LDB2: variants seen among roughly 807,000 people sequenced by gnomAD.
The protein encoded by LDB2 is LIM domain binding 2, also known as LIM domain-binding protein 2.
In LDB2, 12 loss-of-function variants were observed where a neutral mutation model predicts 44.3. The ratio of observed to expected loss-of-function variants is 0.27; its 90% CI spans 0.17 to 0.44. LDB2 has a LOEUF of 0.44. Ranked by LOEUF, LDB2 falls within the 20% of genes least tolerant of loss-of-function variation. The probability of loss-of-function intolerance (pLI) is 1.00; values close to 1 mark genes in which losing one functional copy is unlikely to be tolerated. For synonymous variants in LDB2, 164 were observed against 174.8 expected (o/e 0.94, Z 0.49); for missense variants, 344 against 473.5 (o/e 0.73, Z 2.54).
chr4:16,617,415 G>A (rs1359490486), intron 2 of LDB2, among the ~76,000 whole-genome samples: 4 of 152,102 alleles, frequency 2.6e-5, no homozygotes, highest in Non-Finnish European at 2.9e-5. Flanking sequence ...AAATCAAGTC[G>A]ACATCTCCTC....
At chr4:16,784,713 C>A (rs1003600968) in intron 1 of LDB2, among the ~76,000 whole-genome samples, 1 of 152,176 alleles carries the variant, frequency 6.6e-6, no homozygotes, top group Non-Finnish European at 1.5e-5. Flanking sequence ...TCCATTCAGG[C>A]CTTTCTGGGG....
At chr4:16,547,352 C>A (rs12512971) in intron 5 of LDB2, among the ~76,000 whole-genome samples, 17,358 of 152,116 alleles carry the variant, frequency 0.11, 1,584 homozygotes, top group East Asian at 0.47. Flanking sequence ...CAGAACTTTG[C>A]AAGGATACGT....
intron 2 of LDB2, among the ~76,000 whole-genome samples, chr4:16,698,564 AT>A: frequency 6.6e-6 from 1 of 152,176 alleles, no homozygotes; most frequent in African/African-American, 2.4e-5. Flanking sequence ...TTCTTTCTGA[AT>A]TTTTTTAATA....
chr4:16,755,250 G>C (rs1766292462), intron 2 of LDB2, among the ~76,000 whole-genome samples: 2 of 152,140 alleles, frequency 1.3e-5, no homozygotes, highest in Non-Finnish European at 2.9e-5. Flanking sequence ...CAAGTGATCA[G>C]CCTAACCCAA....
At chr4:16,671,118 A>AC (rs1744644757) in intron 2 of LDB2, among the ~76,000 whole-genome samples, 1 of 125,476 alleles carries the variant, frequency 8.0e-6, no homozygotes, top group African/African-American at 2.6e-5. Flanking sequence ...CAAAAAAAAA[A>AC]AACAAAAAAA....
At chr4:16,688,670 T>C (rs1749846872) in intron 2 of LDB2, among the ~76,000 whole-genome samples, 1 of 152,194 alleles carries the variant, frequency 6.6e-6, no homozygotes, top group Non-Finnish European at 1.5e-5. Context: ...TTCAGCTGTG[T>C]TCAAAACAGA....
At chr4:16,833,616 C>G (rs889767589) in intron 1 of LDB2, among the ~76,000 whole-genome samples, 7 of 150,336 alleles carry the variant, frequency 4.7e-5, no homozygotes, top group African/African-American at 1.7e-4. Flanking sequence ...GATCTCTGCT[C>G]ACTGCAACCT....
chr4:16,730,168 C>T (rs905479364), intron 2 of LDB2, among the ~76,000 whole-genome samples: 8 of 152,134 alleles, frequency 5.3e-5, no homozygotes, highest in Non-Finnish European at 1.0e-4. Flanking sequence ...TTTGTCTTAG[C>T]TTTTCTCGTG....
intron 2 of LDB2, among the ~76,000 whole-genome samples, chr4:16,734,710 T>TC (rs1291442612): frequency 1.8e-5 from 1 of 56,772 alleles, no homozygotes; most frequent in African/African-American, 4.9e-5. Flanking sequence ...TTTCTTTTTT[T>TC]TTTTTTTTTT....
intron 5 of LDB2, among the ~76,000 whole-genome samples, chr4:16,546,660 G>GA (rs553521349): frequency 2.0e-5 from 3 of 152,118 alleles, no homozygotes; most frequent in Non-Finnish European, 4.4e-5. Context: ...CTGCCAAGGT[G>GA]AAAAAATGGT....
At chr4:16,557,815 C>T (rs1740325199) in intron 5 of LDB2, among the ~76,000 whole-genome samples, 1 of 152,122 alleles carries the variant, frequency 6.6e-6, no homozygotes, top group Admixed American at 6.6e-5. Context: ...GGAGGCACCC[C>T]CCAGTAGGGG....
chr4:16,833,986 TCATTC>T (rs1012074100), intron 1 of LDB2, among the ~76,000 whole-genome samples: 1 of 152,224 alleles, frequency 6.6e-6, no homozygotes, highest in African/African-American at 2.4e-5. Flanking sequence ...CTCTCTTACT[TCATTC>T]AAGTCTCTGC....
chr4:16,786,570 A>T (rs137860031), intron 1 of LDB2, among the ~76,000 whole-genome samples: 237 of 152,296 alleles, frequency 1.6e-3, no homozygotes, highest in Non-Finnish European at 2.9e-3. Context: ...CCTGTATCTG[A>T]ATGGATACAC....
At position 16,809,865 on chromosome 4, in the gene LDB2, C is replaced by T. The variant is rs1339189027; in HGVS notation, c.133-50605G>A. Among the ~76,000 whole-genome samples the T allele has an allele frequency of 2.0e-5, 3 of 152,252 alleles. No homozygotes were observed. In the East Asian group the frequency reaches 5.8e-4, roughly 29 times the overall value. On this transcript the variant is annotated intron_variant, in intron 1 of 7. Transcript: ENST00000304523. ...TGTCGAGTGGATCATAGCAGGATGG[C>T]TTTGAAGGATTTATAAGAAATCTAC... is the stretch of plus-strand genomic sequence containing the variant.
chr4:16,626,351 C>G (rs1049215742), intron 2 of LDB2, among the ~76,000 whole-genome samples: 3 of 152,204 alleles, frequency 2.0e-5, no homozygotes, highest in East Asian at 3.9e-4. Flanking sequence ...TTGCACTTAT[C>G]TTATTCTTTC....
intron 2 of LDB2, among the ~76,000 whole-genome samples, chr4:16,659,069 T>G (rs1740723918): frequency 6.6e-6 from 1 of 152,228 alleles, no homozygotes; most frequent in African/African-American, 2.4e-5. Context: ...GGGGTTCTCT[T>G]TGAAACATGA....
intron 5 of LDB2, among the ~76,000 whole-genome samples, chr4:16,574,913 A>G (rs938234392): frequency 3.3e-5 from 5 of 152,242 alleles, no homozygotes; most frequent in Admixed American, 2.0e-4. Context: ...GGGAAGCATT[A>G]GGATTTGAAC....
At chr4:16,812,905 A>G (rs1183928408) in intron 1 of LDB2, among the ~76,000 whole-genome samples, 1 of 152,170 alleles carries the variant, frequency 6.6e-6, no homozygotes, top group East Asian at 1.9e-4. Flanking sequence ...GCGAAAAAAC[A>G]AAAATTAACA....
intron 5 of LDB2, among the ~76,000 whole-genome samples, chr4:16,539,416 G>A (rs910460180): frequency 2.0e-5 from 3 of 152,170 alleles, no homozygotes; most frequent in Admixed American, 1.3e-4. Context: ...AGAAGGATAA[G>A]CAGGGACTTT....
Sources: gnomAD v4.1 joint callset for allele counts (sites outside exome capture counted in the v4.1 genomes callset) on GRCh38, gnomAD v4.1.1 for gene constraint, MANE v1.5 for transcripts, NCBI Gene and HGNC (gene_info 2026-07-23, HGNC 2026-07-21) for gene names.